Variants in ZNF423 observed in about 807,000 individuals in gnomAD.
The protein encoded by ZNF423 is Ebf-associated zinc finger protein.
Under a neutral mutation model 95.8 loss-of-function variants are expected in ZNF423, and 12 were observed. The ratio of observed to expected loss-of-function variants is 0.13; its 90% confidence interval spans 0.08 to 0.20. ZNF423 has a LOEUF of 0.20. Ranked by LOEUF, ZNF423 falls within the 10% of genes least tolerant of loss-of-function variation. ZNF423 has a pLI of 1.00. For synonymous variants in ZNF423, 749 were observed against 711.9 expected (o/e 1.05, Z -0.83); for missense variants, 1,316 against 1,737.1 (o/e 0.76, Z 4.31).
At chr16:49,746,668 G>A (rs1009478835) in intron 2 of ZNF423, among the ~76,000 whole-genome samples, 4 of 152,070 alleles carry the variant, frequency 2.6e-5, no homozygotes, top group Non-Finnish European at 4.4e-5. Flanking sequence ...AGTAGAAATG[G>A]GGTTAGCTGG....
intron 1 of ZNF423, among the ~76,000 whole-genome samples, chr16:49,803,822 G>T (rs1298783943): frequency 2.1e-4 from 32 of 152,026 alleles, no homozygotes; most frequent in Admixed American, 2.1e-3. Flanking sequence ...GGGAGGGGCA[G>T]GGAGCTAGGG....
At chr16:49,815,881 A>AATATATATATAT (rs1169322824) in intron 1 of ZNF423, among the ~76,000 whole-genome samples, 9 of 47,602 alleles carry the variant, frequency 1.9e-4, no homozygotes, top group African/African-American at 5.9e-4. Flanking sequence ...AAAAAAAAAA[A>AATATATATATAT]ATATATATAT....
upstream of ZNF423, among the ~76,000 whole-genome samples, chr16:49,858,717 G>GCCC (rs35734564): frequency 0.028 from 3,753 of 132,724 alleles, 101 homozygotes; most frequent in African/African-American, 0.036. This position sits in a 1 kb window ranked among gnomAD's most constrained non-coding sequence, Gnocchi z 4.3. Flanking sequence ...GGGAATAGGA[G>GCCC]CCCCCCCCCC....
intron 1 of ZNF423, among the ~76,000 whole-genome samples, chr16:49,835,680 G>A (rs888183330): frequency 2.0e-5 from 3 of 152,196 alleles, no homozygotes; most frequent in East Asian, 3.9e-4. Flanking sequence ...CAAGCAACTC[G>A]ATATGGTCCA....
At chr16:49,619,274 A>G (rs1054186341) in intron 5 of ZNF423, among the ~76,000 whole-genome samples, 5 of 152,184 alleles carry the variant, frequency 3.3e-5, no homozygotes, top group African/African-American at 1.2e-4. Flanking sequence ...CACAGAGCCC[A>G]CCGAGGATTT....
At chr16:49,707,227 C>T (rs1460487144) in intron 3 of ZNF423, among the ~76,000 whole-genome samples, 1 of 152,180 alleles carries the variant, frequency 6.6e-6, no homozygotes, top group African/African-American at 2.4e-5. Flanking sequence ...ATGCTCTCCC[C>T]ACTGTCTGCA....
intron 2 of ZNF423, among the ~76,000 whole-genome samples, chr16:49,777,875 T>G (rs1205796500): frequency 2.6e-5 from 4 of 152,244 alleles, no homozygotes; most frequent in African/African-American, 9.6e-5. Flanking sequence ...TTATTATTTT[T>G]TAATTGTTAT....
chr16:49,804,695 G>A (rs2034634459), intron 1 of ZNF423, among the ~76,000 whole-genome samples: 1 of 152,142 alleles, frequency 6.6e-6, no homozygotes, highest in African/African-American at 2.4e-5. Flanking sequence ...GGGTGTAATT[G>A]AAGCAAGATG....
intron 7 of ZNF423, chr16:49,518,639 A>G: frequency 2.5e-6 from 1 of 403,382 alleles, no homozygotes; most frequent in Non-Finnish European, 4.7e-6. Context: ...ACCTTCAGCC[A>G]CTGACAACTA....
chr16:49,680,864 A>G (rs1173889725), intron 3 of ZNF423, among the ~76,000 whole-genome samples: 1 of 152,236 alleles, frequency 6.6e-6, no homozygotes, highest in African/African-American at 2.4e-5. Context: ...TGAGCAATAT[A>G]GTCAGGCAGA....
chr16:49,683,006 G>A (rs1833981319), intron 3 of ZNF423, among the ~76,000 whole-genome samples: 1 of 152,174 alleles, frequency 6.6e-6, no homozygotes, highest in African/African-American at 2.4e-5. Flanking sequence ...TTCCGCCTGT[G>A]CCAATAAAGA....
intron 5 of ZNF423, among the ~76,000 whole-genome samples, chr16:49,578,876 G>A (rs1158423420): frequency 1.3e-5 from 2 of 152,210 alleles, no homozygotes; most frequent in Non-Finnish European, 2.9e-5. Flanking sequence ...TGTACTCCTG[G>A]CTTGAACAAA....
At chr16:49,619,525 C>T (rs1971986310) in intron 5 of ZNF423, among the ~76,000 whole-genome samples, 1 of 151,978 alleles carries the variant, frequency 6.6e-6, no homozygotes, top group Non-Finnish European at 1.5e-5. Flanking sequence ...GGCTGGTTCT[C>T]TCAGCCAGGA....
chr16:49,802,130 G>A (rs1388474278), intron 1 of ZNF423, among the ~76,000 whole-genome samples: 1 of 152,190 alleles, frequency 6.6e-6, no homozygotes, highest in Non-Finnish European at 1.5e-5. Context: ...TTACAGGAGT[G>A]AGCCACCATG....
intron 1 of ZNF423, among the ~76,000 whole-genome samples, chr16:49,827,713 G>A (rs1459410067): frequency 6.6e-6 from 1 of 152,072 alleles, no homozygotes; most frequent in African/African-American, 2.4e-5. Context: ...GTAGCAATAG[G>A]GTCTATGTTG....
chr16:49,694,272 T>A (rs1386831494), intron 3 of ZNF423, among the ~76,000 whole-genome samples: 1 of 152,192 alleles, frequency 6.6e-6, no homozygotes, highest in Non-Finnish European at 1.5e-5. Context: ...TATCACCAAG[T>A]GCCCAGCACA....
intron 7 of ZNF423, among the ~76,000 whole-genome samples, chr16:49,522,385 C>T (rs1431353481): frequency 6.6e-6 from 1 of 152,162 alleles, no homozygotes; most frequent in Non-Finnish European, 1.5e-5. Context: ...CTCCCTGCCT[C>T]AGTGACTACG....
intron 5 of ZNF423, among the ~76,000 whole-genome samples, chr16:49,590,619 C>G (rs940527508): frequency 1.6e-4 from 24 of 152,142 alleles, no homozygotes; most frequent in Admixed American, 4.6e-4. Context: ...GTTCCCCCAG[C>G]CCTGTGCTTC....
intron 3 of ZNF423, among the ~76,000 whole-genome samples, chr16:49,664,455 A>AG (rs1189712069): frequency 6.6e-6 from 1 of 152,220 alleles, no homozygotes; most frequent in Non-Finnish European, 1.5e-5. Flanking sequence ...TGAGGGATCC[A>AG]GGCCCCGGGG....
Sources: gnomAD v4.1 joint callset for allele counts (sites outside exome capture counted in the v4.1 genomes callset) on GRCh38, gnomAD v4.1.1 for gene constraint, Gnocchi (gnomAD v3.1) non-coding constraint, MANE v1.5 for transcripts, NCBI Gene and HGNC (gene_info 2026-07-23, HGNC 2026-07-21) for gene names.